Variants in NOL4 observed in about 807,000 individuals in gnomAD.
The protein encoded by NOL4 is cancer/testis antigen 125.
Under a neutral mutation model 75.9 loss-of-function variants are expected in NOL4, and 17 were observed. The ratio of observed to expected loss-of-function variants is 0.22; its 90% CI spans 0.15 to 0.34. The LOEUF (loss-of-function observed/expected upper bound fraction) is 0.34, where lower values mean the gene tolerates loss of function less well. Among genes scored for constraint, NOL4 ranks in the 10% least tolerant of loss-of-function variants. The pLI, the probability that NOL4 is intolerant of heterozygous loss-of-function variation, is 1.00. For missense variants in NOL4, 614 were observed against 793.5 expected, an observed-to-expected ratio of 0.77 and a Z score of 2.72; for synonymous variants, 292 against 289.9, an observed-to-expected ratio of 1.01 and a Z score of -0.07.
chr18:34,024,195 ATATAT>A (rs1398541783), intron 5 of NOL4, among the ~76,000 whole-genome samples: 1 of 83,606 alleles, frequency 1.2e-5, no homozygotes, highest in African/African-American at 4.7e-5. Flanking sequence ...AAAAAAAAAA[ATATAT>A]ATATATATAT....
At chr18:34,209,464 G>A (rs1290393365) in intron 1 of NOL4, among the ~76,000 whole-genome samples, 1 of 152,064 alleles carries the variant, frequency 6.6e-6, no homozygotes. Context: ...TGGATGAACA[G>A]GATGGCAAGA....
chr18:34,211,812 AGAG>A (rs1158633080), intron 1 of NOL4, among the ~76,000 whole-genome samples: 1 of 152,210 alleles, frequency 6.6e-6, no homozygotes, highest in Non-Finnish European at 1.5e-5. Flanking sequence ...ATCAACGTAG[AGAG>A]GAGAGACTAA....
intron 6 of NOL4, among the ~76,000 whole-genome samples, chr18:33,974,535 C>T (rs2071342318): frequency 6.6e-6 from 1 of 152,186 alleles, no homozygotes; most frequent in South Asian, 2.1e-4. Context: ...TTTATTTCAT[C>T]ATCTTATATG....
At chr18:33,926,900 G>T (rs1223808737) in intron 9 of NOL4, among the ~76,000 whole-genome samples, 1 of 152,068 alleles carries the variant, frequency 6.6e-6, no homozygotes, top group African/African-American at 2.4e-5. Context: ...GCCTGGCCAA[G>T]AATTTTTTCC....
At chr18:33,973,130 G>A (rs554856641) in intron 6 of NOL4, among the ~76,000 whole-genome samples, 1 of 152,170 alleles carries the variant, frequency 6.6e-6, no homozygotes, top group Admixed American at 6.5e-5. Flanking sequence ...TTAAGCTTAA[G>A]CTTATGTAAT....
At chr18:34,197,834 GAA>G (rs2035446176) in intron 1 of NOL4, among the ~76,000 whole-genome samples, 1 of 151,896 alleles carries the variant, frequency 6.6e-6, no homozygotes, top group Non-Finnish European at 1.5e-5. Context: ...TACCTGATGT[GAA>G]AAGAGAGGAA....
At chr18:34,164,929 A>C (rs1486265746) in intron 1 of NOL4, among the ~76,000 whole-genome samples, 6 of 152,086 alleles carry the variant, frequency 3.9e-5, no homozygotes, top group Admixed American at 6.5e-5. Context: ...TGATGAGCTC[A>C]TGTCCTTTGT....
intron 6 of NOL4, among the ~76,000 whole-genome samples, chr18:33,963,342 T>G (rs2145792964): frequency 6.6e-6 from 1 of 152,272 alleles, no homozygotes; most frequent in East Asian, 1.9e-4. Flanking sequence ...CTATTTGGTT[T>G]TCATAAATGG....
At chr18:34,052,768 G>A (rs2076677533) in intron 5 of NOL4, among the ~76,000 whole-genome samples, 1 of 152,024 alleles carries the variant, frequency 6.6e-6, no homozygotes, top group Non-Finnish European at 1.5e-5. Context: ...AATGCTACGA[G>A]AGAATCTAGG....
intron 5 of NOL4, among the ~76,000 whole-genome samples, chr18:34,075,165 C>T (rs981520911): frequency 5.9e-5 from 9 of 152,052 alleles, no homozygotes; most frequent in African/African-American, 2.2e-4. Flanking sequence ...GGTTTTTCTT[C>T]AGATTTTGGA....
chr18:33,982,062 G>A (rs1469737324), intron 6 of NOL4, among the ~76,000 whole-genome samples: 3 of 152,074 alleles, frequency 2.0e-5, no homozygotes, highest in East Asian at 3.9e-4. Flanking sequence ...TAATTGATAC[G>A]ATAAGAAAGG....
At chr18:34,198,694 T>G (rs1417900392) in intron 1 of NOL4, among the ~76,000 whole-genome samples, 1 of 151,852 alleles carries the variant, frequency 6.6e-6, no homozygotes, top group Admixed American at 6.6e-5. Flanking sequence ...ACCAAGCTTC[T>G]TTACTGTTAG....
intron 2 of NOL4, among the ~76,000 whole-genome samples, chr18:34,114,849 C>T (rs931179127): frequency 1.3e-5 from 2 of 151,456 alleles, no homozygotes; most frequent in African/African-American, 2.4e-5. Context: ...AAGACAAATG[C>T]TAAGGGCCCA....
At chr18:34,168,171 T>C (rs2032622043) in intron 1 of NOL4, among the ~76,000 whole-genome samples, 1 of 151,822 alleles carries the variant, frequency 6.6e-6, no homozygotes, top group African/African-American at 2.4e-5. Context: ...ACCTAGAACA[T>C]TGCAATGAAC....
intron 1 of NOL4, among the ~76,000 whole-genome samples, chr18:34,142,157 T>C (rs991102139): frequency 3.9e-5 from 6 of 152,010 alleles, no homozygotes; most frequent in Non-Finnish European, 7.4e-5. Context: ...GTTAGAATGG[T>C]GATCATTAAA....
At position 34,172,687 on chromosome 18, in the gene NOL4, C is replaced by T. The variant is rs75878811; in HGVS notation, c.265-42667G>A. The stretch of plus-strand genomic sequence containing the variant: ...TTTCTCCATATCAACACTTGTTTTT[C>T]TTGCCATTTTGATAGCCATCTTAAC... On this transcript the variant is annotated intron_variant, in intron 1 of 10. Transcript: ENST00000261592. 3.9e-5 allele frequency among the ~76,000 whole-genome samples: 6 copies of T among 152,152 alleles called. No individual in the cohort carries two copies. The East Asian group carries it at 9.7e-4, about 24-fold the overall frequency.
intron 10 of NOL4, among the ~76,000 whole-genome samples, chr18:33,873,441 C>G (rs1043962749): frequency 6.6e-6 from 1 of 151,936 alleles, no homozygotes; most frequent in Non-Finnish European, 1.5e-5. Flanking sequence ...CTTTCCTGAA[C>G]TAGGGGTTTA....
chr18:33,999,177 T>C (rs982557949), intron 6 of NOL4, among the ~76,000 whole-genome samples: 1 of 150,868 alleles, frequency 6.6e-6, no homozygotes, highest in African/African-American at 2.4e-5. Flanking sequence ...GTCTGCTCCA[T>C]TGCCCATGCT....
intron 9 of NOL4, among the ~76,000 whole-genome samples, chr18:33,902,165 T>A (rs888314144): frequency 1.3e-5 from 2 of 152,002 alleles, no homozygotes; most frequent in East Asian, 1.9e-4. Context: ...GTTTTTTTTT[T>A]AAAAGGGAAT....
Sources: gnomAD v4.1 joint callset for allele counts (sites outside exome capture counted in the v4.1 genomes callset) on GRCh38, gnomAD v4.1.1 for gene constraint, MANE v1.5 for transcripts, NCBI Gene and HGNC (gene_info 2026-07-23, HGNC 2026-07-21) for gene names.